The following CLEC16A variants were observed in gnomAD, a reference collection of about 807,000 sequenced individuals.
The protein encoded by CLEC16A is C-type lectin domain containing 16A.
In CLEC16A, 51 loss-of-function variants were observed where a neutral mutation model predicts 109.5. The observed-to-expected ratio is 0.47, with a 90% CI of 0.37 to 0.59. The LOEUF (loss-of-function observed/expected upper bound fraction) is 0.59, where lower values mean the gene tolerates loss of function less well. Among genes scored for constraint, CLEC16A ranks in the 20% least tolerant of loss-of-function variants. The pLI, the probability that CLEC16A is intolerant of heterozygous loss-of-function variation, is 0.00. For synonymous variants in CLEC16A, 673 were observed against 564.2 expected (o/e 1.19, Z -2.73); for missense variants, 1,339 against 1,394.0 (o/e 0.96, Z 0.63).
rs560768048 is a variant in CLEC16A, at chr16:11,165,783, A to C, written c.2642-605A>C. On this transcript the variant is annotated intron_variant, in intron 22 of 23. Coordinates refer to ENST00000409790, the MANE Select transcript of CLEC16A (RefSeq NM_015226.3). ...AAACGTGTGGGCAGACTCCACCTCC[A>C]GGTCCCGGAGATGCTGAGGGCCATT... 3.4e-3 allele frequency among the ~76,000 whole-genome samples: 518 copies of C among 152,296 alleles called. 3 individuals carry two copies. Among genetic ancestry groups the C allele is most frequent in the African/African-American group, 0.012 (494 of 41,550 alleles).
intron 15 of CLEC16A, among the ~76,000 whole-genome samples, chr16:11,043,087 C>T (rs959501124): frequency 6.6e-5 from 10 of 151,924 alleles, no homozygotes; most frequent in Non-Finnish European, 8.8e-5. Flanking sequence ...TATACACACA[C>T]ACACACACAT....
chr16:11,162,425 C>G (rs2054756228), intron 22 of CLEC16A, among the ~76,000 whole-genome samples: 1 of 152,172 alleles, frequency 6.6e-6, no homozygotes, highest in Non-Finnish European at 1.5e-5. Flanking sequence ...CCATCATCCT[C>G]CCTTTTTTTT....
intron 19 of CLEC16A, among the ~76,000 whole-genome samples, chr16:11,063,253 T>C (rs910171689): frequency 6.7e-6 from 1 of 150,258 alleles, no homozygotes; most frequent in East Asian, 2.0e-4. Context: ...GTATTGTTGG[T>C]TTATTTGGTT....
At chr16:10,949,816 C>T (rs984572863) in intron 1 of CLEC16A, among the ~76,000 whole-genome samples, 1 of 152,146 alleles carries the variant, frequency 6.6e-6, no homozygotes, top group Admixed American at 6.5e-5. Flanking sequence ...GCTGCCGTCC[C>T]CTGGTGAGTT....
intron 16 of CLEC16A, among the ~76,000 whole-genome samples, chr16:11,046,746 C>T (rs1597190170): frequency 1.3e-5 from 2 of 152,166 alleles, no homozygotes; most frequent in South Asian, 4.1e-4. Context: ...CTATGCCCAC[C>T]GTGCTGTTCT....
rs140373340 is a variant in CLEC16A at position 11,097,084 on chromosome 16, C to T, written c.2117-23531C>T. ...GTGAATTTTTCCCTTTTTAAGTCCT[C>T]CCCACCCCAAGTTTGAACTTCCCTG... On this transcript the variant is annotated intron_variant, in intron 19 of 23. Coordinates refer to ENST00000409790, the MANE Select transcript of CLEC16A (RefSeq NM_015226.3). 1.4e-4 allele frequency among the ~76,000 whole-genome samples: 21 copies of T among 152,284 alleles called. No individual in the cohort carries two copies. In the East Asian group the frequency reaches 3.7e-3, roughly 27 times the overall value.
intron 19 of CLEC16A, among the ~76,000 whole-genome samples, chr16:11,107,296 G>A (rs569434723): frequency 1.3e-5 from 2 of 151,964 alleles, no homozygotes; most frequent in African/African-American, 4.8e-5. Flanking sequence ...AGGCCTGGCA[G>A]TAGAAAGGTG....
intron 19 of CLEC16A, among the ~76,000 whole-genome samples, chr16:11,108,237 C>T (rs948057210): frequency 2.6e-5 from 4 of 152,256 alleles, no homozygotes; most frequent in African/African-American, 9.6e-5. Context: ...CACCCAGCTT[C>T]AGTCTCTCCT....
intron 2 of CLEC16A, among the ~76,000 whole-genome samples, chr16:10,958,402 C>T (rs1353032901): frequency 2.0e-5 from 3 of 152,032 alleles, no homozygotes; most frequent in Non-Finnish European, 4.4e-5. Flanking sequence ...AGCTGGTAAG[C>T]GGTGGAAAAG....
chr16:11,155,289 CTTT>C (rs1248983708), intron 22 of CLEC16A, among the ~76,000 whole-genome samples: 2 of 152,222 alleles, frequency 1.3e-5, no homozygotes, highest in African/African-American at 4.8e-5. Flanking sequence ...TGTCACTCTG[CTTT>C]AGAGTGACAA....
chr16:11,075,639 G>C (rs2049328063), intron 19 of CLEC16A, among the ~76,000 whole-genome samples: 1 of 152,036 alleles, frequency 6.6e-6, no homozygotes, highest in Admixed American at 6.6e-5. Flanking sequence ...GTCTTGCTAT[G>C]TTGCCCTGGC....
At chr16:11,133,085 C>G (rs945119546) in intron 22 of CLEC16A, among the ~76,000 whole-genome samples, 3 of 152,156 alleles carry the variant, frequency 2.0e-5, no homozygotes, top group Non-Finnish European at 4.4e-5. Context: ...GGGGCTCCAG[C>G]TGTCTTGTGG....
At chr16:11,131,253 T>A (rs1301592710) in intron 22 of CLEC16A, among the ~76,000 whole-genome samples, 1 of 152,242 alleles carries the variant, frequency 6.6e-6, no homozygotes, top group African/African-American at 2.4e-5. Context: ...CTCATGGACC[T>A]GGCCCATGGC....
intron 10 of CLEC16A, among the ~76,000 whole-genome samples, chr16:10,996,443 G>A (rs1043676605): frequency 2.6e-5 from 4 of 152,192 alleles, no homozygotes; most frequent in African/African-American, 9.7e-5. Context: ...TAAAAGGTGA[G>A]TGGCTTCTGG....
At chr16:11,081,839 G>T (rs1315770450) in intron 19 of CLEC16A, among the ~76,000 whole-genome samples, 1 of 152,178 alleles carries the variant, frequency 6.6e-6, no homozygotes, top group South Asian at 2.1e-4. Context: ...TAAATGAAAT[G>T]AAATAAATGT....
chr16:11,118,330 G>A lies in CLEC16A; in HGVS notation c.2117-2285G>A, dbSNP rs543828452. Among the ~76,000 whole-genome samples, 140 of 151,734 alleles carry A rather than the reference G, an allele frequency of 9.2e-4. 1 individual carries two copies. The highest frequency in any genetic ancestry group is 6.8e-3 in the Middle Eastern group (2 of 294). ...ATGCACAAGACCCCATGCTTTTCCC[G>A]CCTTTTCTCATTTAACGCACCAAAC... On this transcript the variant is annotated intron_variant, in intron 19 of 23. Coordinates refer to ENST00000409790, the MANE Select transcript of CLEC16A (RefSeq NM_015226.3).
chr16:11,169,887 T>C (rs875916), intron 23 of CLEC16A, among the ~76,000 whole-genome samples: 3,172 of 152,298 alleles, frequency 0.021, 114 homozygotes, highest in African/African-American at 0.072. Flanking sequence ...AGCCCACCTG[T>C]GCCAGACACC....
chr16:11,146,492 A>G (rs982604812), intron 22 of CLEC16A, among the ~76,000 whole-genome samples: 2 of 140,650 alleles, frequency 1.4e-5, no homozygotes, highest in Non-Finnish European at 3.1e-5. Context: ...GGGTAGATGG[A>G]TGAATGGATG....
chr16:11,154,694 G>C (rs2054437068), intron 22 of CLEC16A, among the ~76,000 whole-genome samples: 1 of 152,212 alleles, frequency 6.6e-6, no homozygotes, highest in African/African-American at 2.4e-5. Flanking sequence ...GGAGGCTGAG[G>C]TGGGCGGATC....
Sources: allele counts gnomAD v4.1 joint callset (sites outside exome capture counted in the v4.1 genomes callset), GRCh38; gene constraint gnomAD v4.1.1; transcripts MANE v1.5; gene names NCBI Gene and HGNC (gene_info 2026-07-23, HGNC 2026-07-21).